MERTK: variants seen among roughly 807,000 people sequenced by gnomAD.
The protein encoded by MERTK is tyrosine-protein kinase Mer.
MERTK carries 69 observed loss-of-function variants against 99.3 expected under a neutral mutation model. The observed-to-expected ratio is 0.70, with a 90% confidence interval of 0.57 to 0.85. The LOEUF (loss-of-function observed/expected upper bound fraction) is 0.85. Among genes scored for constraint, MERTK ranks in the 40% least tolerant of loss-of-function variants. MERTK has a pLI of 0.00. For missense variants in MERTK, 1,125 were observed against 1,249.4 expected, an observed-to-expected ratio of 0.90 and a Z score of 1.50; for synonymous variants, 426 against 467.6, an observed-to-expected ratio of 0.91 and a Z score of 1.15.
At chr2:111,975,563 G>A (rs142886961) in intron 7 of MERTK, 91 bp downstream of exon 7, 2 of 1,397,648 alleles carry the variant, frequency 1.4e-6, no homozygotes, top group East Asian at 4.6e-5. Flanking sequence ...TTGAAACTTT[G>A]CTTTGTTTGG....
intron 15 of MERTK, among the ~76,000 whole-genome samples, chr2:112,011,803 A>G (rs1435109948): frequency 6.6e-6 from 1 of 152,234 alleles, no homozygotes; most frequent in Non-Finnish European, 1.5e-5. Flanking sequence ...CTCTGTGAAC[A>G]AGTGCTGACT....
At chr2:111,964,368 C>CAT (rs1553452030) in intron 4 of MERTK, among the ~76,000 whole-genome samples, 1 of 141,162 alleles carries the variant, frequency 7.1e-6, no homozygotes, top group East Asian at 2.1e-4. Flanking sequence ...ATCATTGTCT[C>CAT]GTGTGTGTGT....
intron 5 of MERTK, among the ~76,000 whole-genome samples, chr2:111,967,282 A>G (rs1256651941): frequency 6.6e-6 from 1 of 152,202 alleles, no homozygotes; most frequent in Non-Finnish European, 1.5e-5. Flanking sequence ...TTCCTTATCT[A>G]TGAATGTGGA....
chr2:112,028,846 C>T lies in MERTK; in HGVS notation c.2982C>T (p.Gly994=), dbSNP rs1006360847. 6.2e-7 allele frequency: 1 copy of T among 1,613,930 alleles called. No individual in the cohort carries two copies. Among genetic ancestry groups the T allele is most frequent in the African/African-American group, 1.3e-5 (1 of 75,022 alleles). The change falls in exon 19 of 19, where the codon GGC becomes GGT. Residue 994 remains glycine, a synonymous_variant. Coordinates refer to ENST00000295408, the MANE Select transcript of MERTK (RefSeq NM_006343.3). ...TGTTTGCTGACGACTCCTCAGAAGG[C>T]TCAGAAGTCCTGATGTGAGGAGAGG... ...ELLFADDSSE[G]SEVLM
intron 8 of MERTK, among the ~76,000 whole-genome samples, chr2:111,985,871 A>T (rs1002599529): frequency 6.6e-6 from 1 of 152,186 alleles, no homozygotes; most frequent in African/African-American, 2.4e-5. Flanking sequence ...TCCAAATTTT[A>T]GCTTCTTCAT....
At chr2:112,021,842 G>T (rs1463253113) in intron 17 of MERTK, among the ~76,000 whole-genome samples, 1 of 152,120 alleles carries the variant, frequency 6.6e-6, no homozygotes, top group Non-Finnish European at 1.5e-5. Flanking sequence ...TGCCGTCAAA[G>T]GATGACTCAT....
At chr2:111,905,276 G>T (rs781512919) in intron 1 of MERTK, among the ~76,000 whole-genome samples, 1 of 152,000 alleles carries the variant, frequency 6.6e-6, no homozygotes, top group Non-Finnish European at 1.5e-5. Context: ...TTTCACTCTC[G>T]GGGCCTCTGA....
rs1242718288 is a variant in MERTK at position 111,947,405 on chromosome 2, T to A, written c.595T>A (p.Phe199Ile). The change falls in exon 4 of 19, where the codon TTT becomes ATT. Residue 199 changes from phenylalanine to isoleucine, a missense_variant. Physicochemically the swap from Phe to Ile is conservative, Grantham distance 21. Coordinates refer to ENST00000295408, the MANE Select transcript of MERTK (RefSeq NM_006343.3). The part of the protein sequence containing the change: ...IYIEVQGLPH[F>I]TKQPESMNVT... ...CGTTTTCTCCGCAGGACTTCCTCAC[T>A]TTACTAAGCAGCCTGAGAGCATGAA... is the stretch of plus-strand genomic sequence containing the variant. The A allele has an allele frequency of 6.2e-7, 1 of 1,613,652 alleles. No individual in the cohort carries two copies. Among genetic ancestry groups the A allele is most frequent in the Admixed American group, 1.7e-5 (1 of 59,976 alleles).
At chr2:111,966,021 A>G (rs1685352885) in intron 5 of MERTK, among the ~76,000 whole-genome samples, 2 of 152,234 alleles carry the variant, frequency 1.3e-5, no homozygotes, top group South Asian at 2.1e-4. Context: ...GAAATTTGAA[A>G]GAAAAGAAAA....
At chr2:111,922,056 G>A (rs1156271017) in intron 1 of MERTK, among the ~76,000 whole-genome samples, 1 of 152,234 alleles carries the variant, frequency 6.6e-6, no homozygotes, top group Non-Finnish European at 1.5e-5. Context: ...CCAGGTGCCT[G>A]GGATCATAAA....
In MERTK at chr2:111,921,806, T is replaced by A. The variant is rs1316433110; in HGVS notation, c.62-7314T>A. ...ACTTGTCTCACTCTGTTGCCCAGGCTGATCTTGAACTCCTGGGCTCAAGCA... is the reference window on the plus strand; with the variant it reads ...ACTTGTCTCACTCTGTTGCCCAGGCAGATCTTGAACTCCTGGGCTCAAGCA... On this transcript the variant is annotated intron_variant, in intron 1 of 18. Transcript: ENST00000295408. 6.6e-5 allele frequency among the ~76,000 whole-genome samples: 10 copies of A among 152,146 alleles called. No individual in the cohort carries two copies. In the East Asian group the frequency reaches 1.9e-3, roughly 29 times the overall value.
chr2:111,915,945 A>G (rs576064242), intron 1 of MERTK, among the ~76,000 whole-genome samples: 76 of 152,244 alleles, frequency 5.0e-4, no homozygotes, highest in South Asian at 2.9e-3. Flanking sequence ...GAGAATTTCT[A>G]TTGTGTTTCT....
chr2:111,928,077 T>TA lies in MERTK; in HGVS notation c.62-1038dup, dbSNP rs554725067. On this transcript the variant is annotated intron_variant, in intron 1 of 18. Transcript: ENST00000295408. ...TAAAATACTTGTGGACCAGATGAAA[T>TA]AAAAACATTTCCAGGTTTATTCCAG... is the stretch of plus-strand genomic sequence containing the variant. Among the ~76,000 whole-genome samples, 633 of 152,298 alleles carry TA rather than the reference T, an allele frequency of 4.2e-3. 4 individuals carry two copies. The highest frequency in any genetic ancestry group is 0.013 in the African/African-American group (539 of 41,562).
At chr2:111,994,163 A>T in intron 8 of MERTK, 88 bp from the exon 9 acceptor site, 2 of 1,500,010 alleles carry the variant, frequency 1.3e-6, no homozygotes, top group South Asian at 1.1e-5. Flanking sequence ...CGTGGGCGGG[A>T]TGGCTTCCCT....
chr2:112,028,151 T>A, intron 18 of MERTK, 200 bp from the exon 19 acceptor site: 1 of 628,328 alleles, frequency 1.6e-6, no homozygotes, highest in Non-Finnish European at 2.7e-6. Context: ...AGAAACAGAA[T>A]CACTTTTTTG....
At chr2:111,941,348 C>T (rs889466707) in intron 2 of MERTK, among the ~76,000 whole-genome samples, 1 of 152,168 alleles carries the variant, frequency 6.6e-6, no homozygotes, top group Non-Finnish European at 1.5e-5. Context: ...AGAGTTGTAA[C>T]GTTCCCTGAT....
intron 1 of MERTK, among the ~76,000 whole-genome samples, chr2:111,913,520 A>G (rs1684289894): frequency 6.6e-6 from 1 of 152,126 alleles, no homozygotes; most frequent in Admixed American, 6.5e-5. Flanking sequence ...AGACTTTTTT[A>G]TAGATTCCTT....
chr2:111,937,176 G>A (rs777219586), intron 2 of MERTK, among the ~76,000 whole-genome samples: 38 of 152,060 alleles, frequency 2.5e-4, no homozygotes, highest in Non-Finnish European at 4.9e-4. Flanking sequence ...CAGGCATGGT[G>A]GCTTATGCCT....
chr2:112,023,498 G>A (rs1677400303), intron 18 of MERTK, among the ~76,000 whole-genome samples: 1 of 152,148 alleles, frequency 6.6e-6, no homozygotes. Context: ...ACTACCAGCT[G>A]TGACACACAC....
Sources: gnomAD v4.1 joint callset for allele counts (sites outside exome capture counted in the v4.1 genomes callset) on GRCh38, gnomAD v4.1.1 for gene constraint, MANE v1.5 for transcripts, NCBI Gene and HGNC (gene_info 2026-07-23, HGNC 2026-07-21) for gene names.